The following LAMA1 variants were observed in gnomAD, a reference collection of about 807,000 sequenced individuals.
LAMA1 encodes the protein laminin subunit alpha 1.
LAMA1 carries 219 observed loss-of-function variants against 348.7 expected under a neutral mutation model. The ratio of observed to expected loss-of-function variants is 0.63; its 90% CI spans 0.56 to 0.70. LAMA1 has a LOEUF of 0.70. Among genes scored for constraint, LAMA1 ranks in the 30% least tolerant of loss-of-function variants. LAMA1 has a pLI of 0.00. For synonymous variants in LAMA1, 1,487 were observed against 1,491.0 expected, an observed-to-expected ratio of 1.00 and a Z score of 0.06; for missense variants, 3,744 against 3,888.0, an observed-to-expected ratio of 0.96 and a Z score of 0.99.
Position 6,949,396 on chromosome 18 carries a change from T to G in LAMA1, c.8398-137A>C, listed in dbSNP as rs946304875. On this transcript the variant is annotated intron_variant, in intron 58 of 62. Coordinates refer to ENST00000389658, the MANE Select transcript of LAMA1 (RefSeq NM_005559.4). ...ATGCAATGCTAAAGGAAGGTTCAAA[T>G]TTTTAGACAGTTGGTGACGAAAAGT... is the stretch of plus-strand genomic sequence containing the variant. 3 of 882,184 alleles carry G rather than the reference T, an allele frequency of 3.4e-6. No homozygotes were observed. The South Asian group carries it at 4.3e-5, about 13-fold the overall frequency. The allele number at this position is 882,184 out of a possible 1,614,324, so 54.6% of individuals were successfully genotyped here.
In LAMA1 at chr18:6,961,602, C is replaced by T. The variant is rs372523357; in HGVS notation, c.7610G>A (p.Arg2537His). 2.4e-5 allele frequency: 38 copies of T among 1,613,516 alleles called. No individual in the cohort carries two copies. Among genetic ancestry groups the T allele is most frequent in the African/African-American group, 2.0e-4 (15 of 74,900 alleles). The change falls in exon 53 of 63, where the codon CGT becomes CAT. Residue 2537 changes from arginine to histidine, a missense_variant. Arg to His is a conservative substitution (Grantham distance 29). Coordinates refer to ENST00000389658, the MANE Select transcript of LAMA1 (RefSeq NM_005559.4). ...LGGDVEKRGD[R>H]EEAHVPFFSV... is the part of the protein sequence containing the mutation. ...CCTACTCACCACGTGTGCTTCCTCA[C>T]GATCACCCCGCTTCTCCACATCCCC...
At chr18:7,045,792 C>T (rs1325666532) in intron 6 of LAMA1, among the ~76,000 whole-genome samples, 1 of 151,972 alleles carries the variant, frequency 6.6e-6, no homozygotes, top group Non-Finnish European at 1.5e-5. Context: ...TTCCTAGCCT[C>T]AAGTGATCCA....
At chr18:7,002,186 A>G in intron 30 of LAMA1, 78 bp downstream of exon 30, 1 of 1,575,026 alleles carries the variant, frequency 6.3e-7, no homozygotes, top group Non-Finnish European at 8.6e-7. Flanking sequence ...CAGACCACTC[A>G]GAGACCCTTG....
intron 28 of LAMA1, among the ~76,000 whole-genome samples, chr18:7,007,913 TTTTATTTATTTATTTATTTA>T (rs58519890): frequency 7.3e-6 from 1 of 136,742 alleles, no homozygotes; most frequent in East Asian, 2.0e-4. Flanking sequence ...ATTACTCCAC[TTTTATTTATTTATTTATTTA>T]TTTATTTATT....
rs1306515663 is a variant in LAMA1, at chr18:7,011,244, A to G, written c.3687+56T>C. 2.5e-6 allele frequency: 4 copies of G among 1,573,352 alleles called. No individual in the cohort carries two copies. In the African/African-American group the frequency reaches 5.4e-5, roughly 21 times the overall value. ...GGCCCAGACTATGGTGATTTTAAAC[A>G]ATTTCTGTATATCCTAGGAAGCACC... On this transcript the variant is annotated intron_variant, in intron 25 of 62. Coordinates refer to ENST00000389658, the MANE Select transcript of LAMA1 (RefSeq NM_005559.4).
intron 22 of LAMA1, among the ~76,000 whole-genome samples, chr18:7,015,007 C>T (rs936976549): frequency 6.6e-6 from 1 of 151,582 alleles, no homozygotes; most frequent in Non-Finnish European, 1.5e-5. Flanking sequence ...TCACCACGCC[C>T]AGCTAATTTT....
chr18:6,948,599 T>C lies in LAMA1; in HGVS notation c.8557-43A>G, dbSNP rs8085928. ...CAAGAGTAGACAGTGGTGATTCTAATGGGAAGGGTTTGGACACATTTTCCT... is the reference window on the plus strand; with the variant it reads ...CAAGAGTAGACAGTGGTGATTCTAACGGGAAGGGTTTGGACACATTTTCCT... On this transcript the variant is annotated intron_variant, in intron 59 of 62. Transcript: ENST00000389658. 2,782 of 1,612,320 alleles carry C rather than the reference T, an allele frequency of 1.7e-3. 42 individuals are homozygous for C. The African/African-American group carries it at 0.033, about 19-fold the overall frequency.
rs372452225 is a variant in LAMA1, at chr18:6,943,250, G to A, written c.8997C>T (p.Gly2999=). 6.0e-5 allele frequency: 97 copies of A among 1,614,034 alleles called. 2 individuals carry two copies. The highest frequency in any genetic ancestry group is 4.9e-4 in the Middle Eastern group (3 of 6,084). Residue 2999 remains glycine, a synonymous_variant, in exon 62 of 63, where the codon GGC becomes GGT. Transcript: ENST00000389658. The part of the protein sequence containing the change: ...ITLIVDGNAV[G]AESPHTQSTS... The stretch of plus-strand genomic sequence containing the variant: ...TAGACTGGGTGTGTGGACTTTCAGC[G>A]CCAACTGCGTTCCCGTCAACAATCA...
Position 7,039,080 on chromosome 18 carries a change from G to A in LAMA1, c.1423-130C>T, listed in dbSNP as rs542345387. The A allele has an allele frequency of 5.0e-6, 4 of 792,856 alleles. No homozygotes were observed. The East Asian group carries it at 7.3e-5, about 14-fold the overall frequency. The allele number at this position is 792,856 out of a possible 1,614,324, so 49.1% of individuals were successfully genotyped here. On this transcript the variant is annotated intron_variant, in intron 10 of 62. Coordinates refer to ENST00000389658, the MANE Select transcript of LAMA1 (RefSeq NM_005559.4). ...GAATAAACGTCCAAAGTAAAGGTGA[G>A]GCCTCATAAAGTCAATATTTCCAGA...
chr18:7,079,706 G>A, intron 3 of LAMA1: 1 of 485,224 alleles, frequency 2.1e-6, no homozygotes, highest in South Asian at 2.1e-5. Context: ...TACCCTGGAT[G>A]GATGAGTGTG....
rs1324325312 is a variant in LAMA1, at chr18:6,999,913, T to C, written c.4467A>G (p.Glu1489=). Residue 1489 remains glutamate, a splice_region_variant and synonymous_variant, in exon 31 of 63, where the codon GAA becomes GAG. Transcript: ENST00000389658. ...CACATGACAATCCACCCATGTACCT[T>C]TCACAGTGTTTTCCTTCATAGCCCA... ...CLLGYEGKHC[E]RCSSSYYGNP... 1.2e-6 allele frequency: 2 copies of C among 1,613,724 alleles called. No individual in the cohort carries two copies. The highest frequency in any genetic ancestry group is 1.3e-5 in the African/African-American group (1 of 74,932).
chr18:7,112,833 C>T, intron 1 of LAMA1, among the ~76,000 whole-genome samples: 1 of 152,020 alleles, frequency 6.6e-6, no homozygotes, highest in Non-Finnish European at 1.5e-5. Flanking sequence ...TGGGGTTTCT[C>T]CATGTTGGTC....
chr18:7,098,247 T>C (rs112321933), intron 1 of LAMA1, among the ~76,000 whole-genome samples: 2 of 152,104 alleles, frequency 1.3e-5, no homozygotes, highest in South Asian at 2.1e-4. Context: ...AGTGCCGAGA[T>C]TGCAGCCTCT....
chr18:6,955,971 GA>G, intron 56 of LAMA1: 1 of 315,368 alleles, frequency 3.2e-6, no homozygotes, highest in East Asian at 7.9e-5. Flanking sequence ...AAGGGCCCCT[GA>G]ACCCCACGCA....
At chr18:7,107,286 T>C (rs1244745495) in intron 1 of LAMA1, among the ~76,000 whole-genome samples, 1 of 151,938 alleles carries the variant, frequency 6.6e-6, no homozygotes, top group Non-Finnish European at 1.5e-5. Context: ...GCCCGGCTAA[T>C]TTTTTGTATT....
intron 61 of LAMA1, among the ~76,000 whole-genome samples, chr18:6,944,878 T>C (rs1202634982): frequency 6.6e-6 from 1 of 152,196 alleles, no homozygotes; most frequent in East Asian, 1.9e-4. Flanking sequence ...CTCAGTATTA[T>C]TTCTAGGTGG....
chr18:7,085,393 C>CT (rs1274064773), intron 1 of LAMA1, among the ~76,000 whole-genome samples: 12 of 140,646 alleles, frequency 8.5e-5, no homozygotes, highest in Admixed American at 1.4e-4. Flanking sequence ...TTATTTTACT[C>CT]TTTTTTTCTT....
At chr18:6,956,939 T>A in intron 55 of LAMA1, 174 bp from the exon 56 acceptor site, 1 of 687,172 alleles carries the variant, frequency 1.5e-6, no homozygotes, top group Non-Finnish European at 2.5e-6. Flanking sequence ...CATGCTATCT[T>A]AATATTTCTT....
At chr18:7,025,953 A>T (rs1306362293) in intron 17 of LAMA1, 26 bp downstream of exon 17, 1 of 1,595,636 alleles carries the variant, frequency 6.3e-7, no homozygotes, top group Admixed American at 1.7e-5. Context: ...TGCTGGCAGG[A>T]ACCGCTGATG....
Sources: gnomAD v4.1 joint callset for allele counts (sites outside exome capture counted in the v4.1 genomes callset) on GRCh38, gnomAD v4.1.1 for gene constraint, MANE v1.5 for transcripts, NCBI Gene and HGNC (gene_info 2026-07-23, HGNC 2026-07-21) for gene names.